Variants in CAPN8 observed in about 807,000 individuals in gnomAD.
CAPN8 encodes calpain-8.
In CAPN8, 87 loss-of-function variants were observed where a neutral mutation model predicts 80.9. The ratio of observed to expected loss-of-function variants is 1.07; its 90% CI spans 0.90 to 1.28. CAPN8 has a LOEUF of 1.28. CAPN8 is among the 50% of genes most tolerant of loss of function. CAPN8 has a pLI of 0.00. For synonymous variants in CAPN8, 299 were observed against 273.8 expected, an observed-to-expected ratio of 1.09 and a Z score of -0.91; for missense variants, 757 against 702.0, an observed-to-expected ratio of 1.08 and a Z score of -0.89.
At chr1:223,635,481 C>T (rs1657892619) in intron 2 of CAPN8, among the ~76,000 whole-genome samples, 1 of 152,246 alleles carries the variant, frequency 6.6e-6, no homozygotes, top group Non-Finnish European at 1.5e-5. Flanking sequence ...ATCTCTCTGG[C>T]TAGACTTGGA....
rs200252588 is a variant in CAPN8 at position 223,643,987 on chromosome 1, AT to A, written c.307+10342del. The A allele has an allele frequency of 8.3e-3, 1,535 of 185,848 alleles. 14 individuals are homozygous for A. Among genetic ancestry groups the A allele is most frequent in the African/African-American group, 0.033 (1,379 of 41,906 alleles). 11.5% of individuals were successfully genotyped at this position (185,848 alleles called of 1,614,324 possible). The stretch of plus-strand genomic sequence containing the variant: ...TAATACAAACAATCCCACAGTACTT[AT>A]TGTCATCTTGTAATAACATAAGGGT... On this transcript the variant is annotated intron_variant, in intron 2 of 20. Transcript: ENST00000366872.
intron 2 of CAPN8, among the ~76,000 whole-genome samples, chr1:223,634,368 G>A (rs1297793502): frequency 6.6e-6 from 1 of 152,160 alleles, no homozygotes; most frequent in African/African-American, 2.4e-5. Flanking sequence ...ACATCTCCAG[G>A]AGGCCAGCAA....
At chr1:223,650,433 C>T (rs1297643932) in intron 2 of CAPN8, among the ~76,000 whole-genome samples, 1 of 152,214 alleles carries the variant, frequency 6.6e-6, no homozygotes, top group Non-Finnish European at 1.5e-5. Flanking sequence ...CAGTAACTGG[C>T]TCAAGGAGTG....
At chr1:223,641,593 A>C (rs992143078) in intron 2 of CAPN8, among the ~76,000 whole-genome samples, 9 of 152,116 alleles carry the variant, frequency 5.9e-5, no homozygotes, top group Non-Finnish European at 1.2e-4. Flanking sequence ...AATTCTTCAC[A>C]CAGTGCCAGA....
intron 1 of CAPN8, among the ~76,000 whole-genome samples, chr1:223,654,751 C>T (rs934787936): frequency 3.9e-5 from 6 of 152,128 alleles, no homozygotes; most frequent in African/African-American, 1.4e-4. Context: ...TCTCGGCTCA[C>T]TGCAACCTCC....
intron 1 of CAPN8, among the ~76,000 whole-genome samples, chr1:223,656,261 G>A (rs1382297525): frequency 1.3e-5 from 2 of 152,030 alleles, no homozygotes. Flanking sequence ...CTGAGGTCAG[G>A]AGTTTGAAAC....
rs1450232740 is a variant in CAPN8 at position 223,551,003 on chromosome 1, A to G, written c.1656T>C (p.Thr552=). 5.6e-6 allele frequency: 4 copies of G among 718,386 alleles called. 1 individual carries two copies. In the South Asian group the frequency reaches 5.9e-5, roughly 11 times the overall value. The allele number at this position is 718,386 out of a possible 1,614,324, so 44.5% of individuals were successfully genotyped here. A position where few individuals can be genotyped will look rare whatever the true frequency, so the allele number is the denominator to read the frequency against. The change falls in exon 15 of 21, where the codon ACT becomes ACC. Residue 552 remains threonine, a synonymous_variant. Coordinates refer to ENST00000366872, the MANE Select transcript of CAPN8 (RefSeq NM_001143962.2). ...TCAAAAGTATCTTGAGTGCATTGGC[A>G]GTAATCTCAGAATCCTAGAAAGAGG... ...EKLAGKDSEI[T]ANALKILLNE...
At chr1:223,663,510 C>T (rs915461653) in intron 1 of CAPN8, among the ~76,000 whole-genome samples, 1 of 152,162 alleles carries the variant, frequency 6.6e-6, no homozygotes, top group Non-Finnish European at 1.5e-5. Context: ...CCTGTGTCTC[C>T]CCACACTTTC....
At chr1:223,621,780 G>C (rs80210324) in intron 7 of CAPN8, among the ~76,000 whole-genome samples, 1 of 152,072 alleles carries the variant, frequency 6.6e-6, no homozygotes, top group African/African-American at 2.4e-5. Flanking sequence ...GACAGCACTT[G>C]AGGATTAAGG....
chr1:223,624,926 C>T (rs1657519006), intron 6 of CAPN8, among the ~76,000 whole-genome samples: 1 of 151,678 alleles, frequency 6.6e-6, no homozygotes, highest in Admixed American at 6.6e-5. Flanking sequence ...AACCCCGTCT[C>T]TACTAAAAAT....
At chr1:223,545,919 G>A (rs906259053) in intron 16 of CAPN8, among the ~76,000 whole-genome samples, 2 of 147,440 alleles carry the variant, frequency 1.4e-5, no homozygotes, top group Admixed American at 1.4e-4. Context: ...TGCCTCCAGG[G>A]TTCAAGCAAT....
intron 16 of CAPN8, among the ~76,000 whole-genome samples, chr1:223,547,545 G>T (rs1038288126): frequency 6.6e-6 from 1 of 152,164 alleles, no homozygotes; most frequent in Non-Finnish European, 1.5e-5. Flanking sequence ...ATGTGATGAT[G>T]GTTGCTTAAC....
chr1:223,558,708 G>A (rs1238241624), intron 12 of CAPN8, among the ~76,000 whole-genome samples: 4 of 151,726 alleles, frequency 2.6e-5, no homozygotes, highest in Non-Finnish European at 4.4e-5. Flanking sequence ...TGTGAATGGT[G>A]TACTGTGTGT....
At chr1:223,651,332 C>T (rs1051797211) in intron 2 of CAPN8, among the ~76,000 whole-genome samples, 1 of 152,160 alleles carries the variant, frequency 6.6e-6, no homozygotes, top group African/African-American at 2.4e-5. Flanking sequence ...ATCATACTGT[C>T]CTCCTTCAGG....
Position 223,544,807 on chromosome 1 carries a change from T to C in CAPN8, c.1877A>G (p.Asp626Gly). The change falls in exon 18 of 21, where the codon GAT (aspartate) becomes GGT (glycine). Residue 626 changes from aspartate (D) to glycine (G), a missense_variant. Physicochemically the swap from Asp to Gly is moderately conservative, Grantham distance 94 (BLOSUM62 -1). Transcript: ENST00000366872. ...GAGGGCTGTCCTCATCTCGTGGGCA[T>C]CGATGGTGCCCGAGTGGTTATAATC... ...ETDYNHSGTI[D>G]AHEMRTALRK... 10 of 1,551,734 alleles carry C rather than the reference T, an allele frequency of 6.4e-6. No homozygotes were observed. The highest frequency in any genetic ancestry group is 2.7e-5 in the African/African-American group (2 of 73,180).
At chr1:223,639,602 T>G (rs549940153) in intron 2 of CAPN8, among the ~76,000 whole-genome samples, 2 of 152,398 alleles carry the variant, frequency 1.3e-5, no homozygotes, top group Non-Finnish European at 2.9e-5. Context: ...TGTGTTGTAT[T>G]TGTCTTACTT....
intron 1 of CAPN8, among the ~76,000 whole-genome samples, chr1:223,657,278 C>A (rs992483447): frequency 3.3e-5 from 5 of 151,946 alleles, no homozygotes; most frequent in African/African-American, 1.2e-4. Flanking sequence ...AGCTCCCAGT[C>A]TCCAAGCAGT....
intron 13 of CAPN8, among the ~76,000 whole-genome samples, chr1:223,556,116 T>C (rs1656902135): frequency 6.6e-6 from 1 of 152,126 alleles, no homozygotes; most frequent in Admixed American, 6.5e-5. Context: ...ATTCCAAGAG[T>C]GTGTTTGTTC....
Position 223,623,412 on chromosome 1 carries a change from T to C in CAPN8, c.814-512A>G, listed in dbSNP as rs145008959. ...AATCTGAGACTTAAAGAAGTTACAT[T>C]ATCCGAGATTATCTAGTTAGTAAGT... On this transcript the variant is annotated intron_variant, in intron 6 of 20. Coordinates refer to ENST00000366872, the MANE Select transcript of CAPN8 (RefSeq NM_001143962.2). 5.8e-4 allele frequency among the ~76,000 whole-genome samples: 89 copies of C among 152,312 alleles called. No individual in the cohort carries two copies. The East Asian group carries it at 0.017, about 29-fold the overall frequency.
Sources: allele counts gnomAD v4.1 joint callset (sites outside exome capture counted in the v4.1 genomes callset), GRCh38; gene constraint gnomAD v4.1.1; transcripts MANE v1.5; gene names NCBI Gene and HGNC (gene_info 2026-07-23, HGNC 2026-07-21).